Variants in GLP2R observed in about 807,000 individuals in gnomAD.
GLP2R encodes the protein glucagon-like peptide 2 receptor.
In GLP2R, 59 loss-of-function variants were observed where a neutral mutation model predicts 68.2. That is an observed-to-expected ratio of 0.87 (90% CI 0.70 to 1.07). The LOEUF is 1.07. GLP2R is among the 50% of genes least tolerant of loss of function. The probability of loss-of-function intolerance (pLI) is 0.00; values close to 1 mark genes in which losing one functional copy is unlikely to be tolerated. For synonymous variants in GLP2R, 270 were observed against 265.4 expected (o/e 1.02, Z -0.17); for missense variants, 548 against 677.4 (o/e 0.81, Z 2.12).
intron 11 of GLP2R, among the ~76,000 whole-genome samples, chr17:9,881,725 C>T (rs2067198508): frequency 6.6e-6 from 1 of 152,156 alleles, no homozygotes; most frequent in South Asian, 2.1e-4. Context: ...AGTGATGCTT[C>T]TGCTGCATTC....
intron 1 of GLP2R, among the ~76,000 whole-genome samples, 179 bp from the exon 2 acceptor site, chr17:9,833,628 G>A (rs1376415176): frequency 6.6e-6 from 1 of 152,186 alleles, no homozygotes; most frequent in Non-Finnish European, 1.5e-5. Flanking sequence ...GTTATGGAGT[G>A]AATGTAAAAT....
At chr17:9,888,149 CA>C (rs2067259898) in intron 12 of GLP2R, among the ~76,000 whole-genome samples, 176 bp downstream of exon 12, 1 of 152,044 alleles carries the variant, frequency 6.6e-6, no homozygotes, top group Non-Finnish European at 1.5e-5. Flanking sequence ...GCAGCTTAGA[CA>C]AATGGAAAAA....
chr17:9,874,831 CAG>C (rs1277978725), intron 10 of GLP2R, among the ~76,000 whole-genome samples: 4 of 152,182 alleles, frequency 2.6e-5, no homozygotes, highest in African/African-American at 9.7e-5. Flanking sequence ...CATCACAAAG[CAG>C]AGTCTTGCTG....
intron 5 of GLP2R, among the ~76,000 whole-genome samples, chr17:9,856,971 G>A (rs1198375370): frequency 6.6e-6 from 1 of 152,060 alleles, no homozygotes; most frequent in Non-Finnish European, 1.5e-5. Context: ...TGCCAGGCTG[G>A]CGTGCAGTGG....
chr17:9,840,250 C>T (rs952834999), intron 3 of GLP2R, among the ~76,000 whole-genome samples: 2 of 152,228 alleles, frequency 1.3e-5, no homozygotes, highest in African/African-American at 4.8e-5. Flanking sequence ...GCTGGGATTA[C>T]AGGCGTGAGC....
chr17:9,856,158 C>T (rs1031609598), intron 5 of GLP2R, among the ~76,000 whole-genome samples: 1 of 152,158 alleles, frequency 6.6e-6, no homozygotes, highest in Non-Finnish European at 1.5e-5. Flanking sequence ...TATGGGAGAA[C>T]TCTGCAACTT....
At chr17:9,873,036 C>T (rs186608738) in intron 10 of GLP2R, among the ~76,000 whole-genome samples, 393 of 152,302 alleles carry the variant, frequency 2.6e-3, no homozygotes, top group South Asian at 4.8e-3. Context: ...CGCCTCCAGT[C>T]GAGGCTCCAA....
chr17:9,847,730 C>T (rs2066854151), intron 4 of GLP2R, among the ~76,000 whole-genome samples: 1 of 152,124 alleles, frequency 6.6e-6, no homozygotes, highest in Non-Finnish European at 1.5e-5. Flanking sequence ...TTAGAGAAGG[C>T]TGATCGTATT....
At chr17:9,844,652 A>G (rs1256228444) in intron 4 of GLP2R, among the ~76,000 whole-genome samples, 1 of 72,402 alleles carries the variant, frequency 1.4e-5, no homozygotes, top group African/African-American at 4.3e-5. Flanking sequence ...GATTCTCAAT[A>G]TTTTACTACC....
At chr17:9,838,469 T>C (rs895327958) in intron 3 of GLP2R, among the ~76,000 whole-genome samples, 4 of 152,278 alleles carry the variant, frequency 2.6e-5, no homozygotes, top group African/African-American at 9.6e-5. Flanking sequence ...CTCAGTAGCA[T>C]GTGGAGCCGA....
At chr17:9,876,855 T>G (rs1349139907) in intron 10 of GLP2R, among the ~76,000 whole-genome samples, 2 of 152,250 alleles carry the variant, frequency 1.3e-5, no homozygotes, top group African/African-American at 2.4e-5. Flanking sequence ...CAGGGATGGC[T>G]TCTTTAAAAA....
At chr17:9,860,586 C>T (rs940162103) in intron 7 of GLP2R, among the ~76,000 whole-genome samples, 1 of 152,042 alleles carries the variant, frequency 6.6e-6, no homozygotes, top group African/African-American at 2.4e-5. Flanking sequence ...TTTAAAAGGG[C>T]ACTAATCCTG....
At chr17:9,862,407 G>A (rs2066995141) in intron 9 of GLP2R, among the ~76,000 whole-genome samples, 1 of 152,190 alleles carries the variant, frequency 6.6e-6, no homozygotes, top group Non-Finnish European at 1.5e-5. Context: ...TAGTCATGGA[G>A]GAACCCAGAA....
intron 11 of GLP2R, among the ~76,000 whole-genome samples, chr17:9,881,159 G>T (rs746168712): frequency 4.9e-4 from 74 of 152,140 alleles, no homozygotes; most frequent in Non-Finnish European, 6.8e-4. Flanking sequence ...GCCTCCTGGG[G>T]CTGGAACTAC....
intron 10 of GLP2R, among the ~76,000 whole-genome samples, chr17:9,872,492 A>G (rs539190225): frequency 9.2e-5 from 14 of 152,296 alleles, no homozygotes; most frequent in African/African-American, 2.9e-4. Flanking sequence ...CAGGAGAATC[A>G]CTTGAATTCG....
intron 10 of GLP2R, among the ~76,000 whole-genome samples, chr17:9,872,900 G>A (rs753033729): frequency 1.1e-4 from 16 of 152,222 alleles, no homozygotes; most frequent in Non-Finnish European, 1.6e-4. Flanking sequence ...AACATACCCG[G>A]TTCAATAATG....
chr17:9,836,006 T>G (rs567930366), intron 2 of GLP2R, among the ~76,000 whole-genome samples: 1 of 125,792 alleles, frequency 7.9e-6, no homozygotes, highest in Admixed American at 1.0e-4. Context: ...GCCATTGTAC[T>G]CCAGCCTGGG....
intron 9 of GLP2R, among the ~76,000 whole-genome samples, chr17:9,868,093 A>G (rs1300088152): frequency 6.6e-6 from 1 of 152,212 alleles, no homozygotes; most frequent in Non-Finnish European, 1.5e-5. Context: ...GAGCCTAGGT[A>G]ACTTACTGAA....
In GLP2R at chr17:9,826,136, C is replaced by T. The variant is rs1485821596; in HGVS notation, c.73C>T (p.Pro25Ser). The change falls in exon 1 of 13, where the codon CCC becomes TCC. Residue 25 changes from proline to serine, a missense_variant. Pro to Ser is a moderately conservative substitution (Grantham distance 74). Coordinates refer to ENST00000262441, the MANE Select transcript of GLP2R (RefSeq NM_004246.3). ...AGLLPGVHEL[P>S]MGIPAPWGTS... ...ACTCCTGCCTGGCGTCCACGAGCTGCCCATGGGCATCCCTGCCCCCTGGGG... is the reference window on the plus strand; with the variant it reads ...ACTCCTGCCTGGCGTCCACGAGCTGTCCATGGGCATCCCTGCCCCCTGGGG... 1 of 1,612,904 alleles carries T rather than the reference C, an allele frequency of 6.2e-7. No individual in the cohort carries two copies. The highest frequency in any genetic ancestry group is 1.1e-5 in the South Asian group (1 of 90,704).
Sources: gnomAD v4.1 joint callset for allele counts (sites outside exome capture counted in the v4.1 genomes callset) on GRCh38, gnomAD v4.1.1 for gene constraint, MANE v1.5 for transcripts, NCBI Gene and HGNC (gene_info 2026-07-23, HGNC 2026-07-21) for gene names.